CDH13: variants seen among roughly 807,000 people sequenced by gnomAD.
CDH13 encodes cadherin-13.
Under a neutral mutation model 63.8 loss-of-function variants are expected in CDH13, and 24 were observed. That is an observed-to-expected ratio of 0.38 (90% CI 0.27 to 0.53). CDH13 has a LOEUF of 0.53. Ranked by LOEUF, CDH13 falls within the 20% of genes least tolerant of loss-of-function variation. CDH13 has a pLI of 0.85. For synonymous variants in CDH13, 503 were observed against 355.3 expected (o/e 1.42, Z -4.67); for missense variants, 1,049 against 903.1 (o/e 1.16, Z -2.07).
At chr16:82,803,716 A>G (rs1233013468) in intron 1 of CDH13, among the ~76,000 whole-genome samples, 1 of 152,210 alleles carries the variant, frequency 6.6e-6, no homozygotes, top group Non-Finnish European at 1.5e-5. Flanking sequence ...GTGAAATAAG[A>G]CAGTCACAGA....
chr16:82,675,594 TC>T (rs1158671833), intron 1 of CDH13, among the ~76,000 whole-genome samples: 65 of 152,328 alleles, frequency 4.3e-4, no homozygotes, highest in Middle Eastern at 6.8e-3. Flanking sequence ...AAGATGCTTT[TC>T]TAAGTACTTC....
chr16:83,087,671 C>CAAAAAAAAAAAAAAAA lies in CDH13; in HGVS notation c.367-37703_367-37688dup, dbSNP rs67228844. On this transcript the variant is annotated intron_variant, in intron 3 of 13. Coordinates refer to ENST00000567109, the MANE Select transcript of CDH13 (RefSeq NM_001257.5). ...CGACGAAGCAAGACTCCCTCCGTCT[C>CAAAAAAAAAAAAAAAA]AAAAAAAAAAAAAAAAAAAAAAAAA... 1.1e-4 allele frequency among the ~76,000 whole-genome samples: 5 copies of CAAAAAAAAAAAAAAAA among 43,998 alleles called. 1 individual carries two copies. The highest frequency in any genetic ancestry group is 4.4e-4 in the African/African-American group (5 of 11,452). The allele number at this position is 43,998 out of a possible 152,430, so 28.9% of individuals were successfully genotyped here.
chr16:83,692,872 A>G (rs1482333808), intron 10 of CDH13, among the ~76,000 whole-genome samples: 1 of 152,172 alleles, frequency 6.6e-6, no homozygotes, highest in Admixed American at 6.5e-5. Context: ...TCACGAGGTC[A>G]GGAGTTCAAG....
intron 6 of CDH13, among the ~76,000 whole-genome samples, chr16:83,357,863 C>T (rs750957194): frequency 2.0e-5 from 3 of 152,176 alleles, no homozygotes; most frequent in Non-Finnish European, 4.4e-5. Flanking sequence ...ACCCATTCCT[C>T]TAAGCAGGAT....
At chr16:83,224,247 C>A (rs2039781240) in intron 5 of CDH13, among the ~76,000 whole-genome samples, 1 of 152,220 alleles carries the variant, frequency 6.6e-6, no homozygotes, top group Non-Finnish European at 1.5e-5. Flanking sequence ...TTTATTCACT[C>A]ATTGATTGAT....
intron 5 of CDH13, among the ~76,000 whole-genome samples, chr16:83,324,183 C>T (rs1455939337): frequency 6.6e-6 from 1 of 152,062 alleles, no homozygotes; most frequent in Non-Finnish European, 1.5e-5. Context: ...ATGACAGGCA[C>T]CTGCCACCAT....
chr16:83,481,323 T>C (rs1381926276), intron 6 of CDH13, among the ~76,000 whole-genome samples: 1 of 152,182 alleles, frequency 6.6e-6, no homozygotes, highest in Non-Finnish European at 1.5e-5. Context: ...AAAGGAAATG[T>C]TTAGGGATGG....
intron 6 of CDH13, among the ~76,000 whole-genome samples, chr16:83,386,352 G>A (rs2091674614): frequency 6.6e-6 from 1 of 152,142 alleles, no homozygotes; most frequent in Admixed American, 6.5e-5. Flanking sequence ...GGAATGTTGG[G>A]GGCAGCGCTA....
intron 2 of CDH13, among the ~76,000 whole-genome samples, chr16:82,958,150 T>C (rs182162092): frequency 1.8e-4 from 28 of 152,350 alleles, no homozygotes; most frequent in African/African-American, 6.7e-4. Flanking sequence ...CATTCCTGGC[T>C]GTCAGATCTT....
intron 8 of CDH13, among the ~76,000 whole-genome samples, chr16:83,645,661 C>T (rs1346947701): frequency 6.6e-6 from 1 of 152,072 alleles, no homozygotes; most frequent in Non-Finnish European, 1.5e-5. Context: ...CCCCATCCTT[C>T]TCCAATCACC....
At position 83,217,442 on chromosome 16, in the gene CDH13, C is replaced by G. The variant is rs770346246; in HGVS notation, c.581C>G (p.Thr194Arg). The change falls in exon 5 of 14, where the codon ACA becomes AGA. Residue 194 changes from threonine (T) to arginine (R), a missense_variant. Coordinates refer to ENST00000567109, the MANE Select transcript of CDH13 (RefSeq NM_001257.5). ...PKGIFRINEN[T>R]GSVSVTRTLD... ...GGAATTTTCAGAATCAATGAGAACACAGGGAGCGTCTCCGTGACACGGACC... is the reference window on the plus strand; with the variant it reads ...GGAATTTTCAGAATCAATGAGAACAGAGGGAGCGTCTCCGTGACACGGACC... 16 of 1,613,908 alleles carry G rather than the reference C, an allele frequency of 9.9e-6. No individual in the cohort carries two copies. Among genetic ancestry groups the G allele is most frequent in the Non-Finnish European group, 1.1e-5 (13 of 1,179,820 alleles).
intron 7 of CDH13, among the ~76,000 whole-genome samples, chr16:83,584,824 T>C (rs1243678527): frequency 6.6e-6 from 1 of 152,182 alleles, no homozygotes; most frequent in East Asian, 1.9e-4. Flanking sequence ...TTGCTTCTGA[T>C]GAGGCCTCAG....
chr16:82,964,815 C>T (rs953977849), intron 2 of CDH13, among the ~76,000 whole-genome samples: 3 of 152,188 alleles, frequency 2.0e-5, no homozygotes, highest in African/African-American at 4.8e-5. Context: ...CCAGTCCTGT[C>T]GAAATGACTG....
intron 1 of CDH13, among the ~76,000 whole-genome samples, chr16:82,772,342 A>G (rs1016348227): frequency 7.9e-5 from 12 of 152,168 alleles, no homozygotes; most frequent in African/African-American, 2.9e-4. Flanking sequence ...AATGGCAAAG[A>G]AAATCTAGGG....
intron 1 of CDH13, chr16:82,646,327 T>G (rs1366348428): frequency 6.6e-6 from 1 of 152,250 alleles, no homozygotes; most frequent in Non-Finnish European, 1.5e-5. Flanking sequence ...GTAGCCAGGA[T>G]TGCAGGTGCC....
intron 1 of CDH13, among the ~76,000 whole-genome samples, chr16:82,717,978 C>G (rs144659194): frequency 6.6e-6 from 1 of 152,152 alleles, no homozygotes; most frequent in Non-Finnish European, 1.5e-5. Flanking sequence ...GAGACCTGAC[C>G]CATTCTGTGT....
intron 5 of CDH13, among the ~76,000 whole-genome samples, chr16:83,260,857 T>C (rs1567546717): frequency 6.6e-6 from 1 of 152,038 alleles, no homozygotes; most frequent in Admixed American, 6.6e-5. Flanking sequence ...GCAAAGAATG[T>C]ATTTGAAAAG....
intron 1 of CDH13, among the ~76,000 whole-genome samples, chr16:82,762,781 G>C (rs975066281): frequency 1.3e-5 from 2 of 152,228 alleles, no homozygotes; most frequent in Non-Finnish European, 2.9e-5. Context: ...GAGTTCTGCT[G>C]TCTTTGCATG....
intron 1 of CDH13, among the ~76,000 whole-genome samples, chr16:82,693,043 G>A (rs1915790321): frequency 6.6e-6 from 1 of 152,132 alleles, no homozygotes; most frequent in African/African-American, 2.4e-5. Flanking sequence ...CATTGTTGAG[G>A]AGGGCCATGT....
Sources: gnomAD v4.1 joint callset for allele counts (sites outside exome capture counted in the v4.1 genomes callset) on GRCh38, gnomAD v4.1.1 for gene constraint, MANE v1.5 for transcripts, NCBI Gene and HGNC (gene_info 2026-07-23, HGNC 2026-07-21) for gene names.